Variants in SEC24B observed in about 807,000 individuals in gnomAD.
SEC24B encodes protein transport protein Sec24B.
SEC24B carries 45 observed loss-of-function variants against 142.8 expected under a neutral mutation model. The ratio of observed to expected loss-of-function variants is 0.32; its 90% CI spans 0.25 to 0.40. SEC24B has a LOEUF of 0.40. Among genes scored for constraint, SEC24B ranks in the 10% least tolerant of loss-of-function variants. SEC24B has a pLI of 1.00. For missense variants in SEC24B, 1,409 were observed against 1,526.8 expected, an observed-to-expected ratio of 0.92 and a Z score of 1.29; for synonymous variants, 574 against 568.2, an observed-to-expected ratio of 1.01 and a Z score of -0.15.
chr4:109,449,896 A>T (rs1339527240), intron 1 of SEC24B, among the ~76,000 whole-genome samples: 1 of 152,088 alleles, frequency 6.6e-6, no homozygotes, highest in Non-Finnish European at 1.5e-5. Flanking sequence ...ATTAGGAGTG[A>T]TTCACTTAAC....
chr4:109,451,524 T>C (rs946856568), intron 1 of SEC24B, among the ~76,000 whole-genome samples: 4 of 152,196 alleles, frequency 2.6e-5, no homozygotes, highest in Admixed American at 2.6e-4. Context: ...GAGAGCTCTT[T>C]CAAGTTGGCT....
chr4:109,512,675 A>T lies in SEC24B; in HGVS notation c.1903+592A>T, dbSNP rs145283423. Among the ~76,000 whole-genome samples the T allele has an allele frequency of 3.2e-4, 47 of 147,814 alleles. No homozygotes were observed. In the East Asian group the frequency reaches 9.3e-3, roughly 29 times the overall value. The stretch of plus-strand genomic sequence containing the variant: ...TTTTTTTTTTTTAATTTTTTTTTTG[A>T]GACAGGGTCTCGCTCTGTCACCCAG... On this transcript the variant is annotated intron_variant, in intron 9 of 23. Transcript: ENST00000265175.
At position 109,533,569 on chromosome 4, in the gene SEC24B, T is replaced by C. The variant is rs114890223; in HGVS notation, c.3496-24T>C. On this transcript the variant is annotated intron_variant, in intron 21 of 23. Transcript: ENST00000265175. ...TGAATTAACTATTAGGGAGTTTTAA[T>C]ATTTTGTTGCTTTTTCTTTTTAGGT... 1,243 of 1,442,248 alleles carry C rather than the reference T, an allele frequency of 8.6e-4. 9 individuals carry two copies. In the African/African-American group the frequency reaches 0.014, roughly 17 times the overall value. The allele number at this position is 1,442,248 out of a possible 1,614,324, so 89.3% of individuals were successfully genotyped here.
chr4:109,475,117 T>G (rs202090623), intron 3 of SEC24B, among the ~76,000 whole-genome samples: 1 of 152,256 alleles, frequency 6.6e-6, no homozygotes, highest in Non-Finnish European at 1.5e-5. Context: ...CATTGGCTGT[T>G]GACAAACTAA....
chr4:109,514,401 T>G (rs1424633932), intron 10 of SEC24B, among the ~76,000 whole-genome samples: 1 of 152,094 alleles, frequency 6.6e-6, no homozygotes, highest in Non-Finnish European at 1.5e-5. Context: ...TTTAACATAT[T>G]TATAAAAACT....
At chr4:109,437,365 C>T (rs6812917) in intron 1 of SEC24B, among the ~76,000 whole-genome samples, 17,990 of 152,094 alleles carry the variant, frequency 0.12, 3,542 homozygotes, top group African/African-American at 0.41. Flanking sequence ...CTAACTGCAG[C>T]CTCAACCTCC....
chr4:109,492,260 T>C (rs1173889544), intron 5 of SEC24B, among the ~76,000 whole-genome samples: 2 of 152,294 alleles, frequency 1.3e-5, no homozygotes, highest in East Asian at 1.9e-4. Flanking sequence ...TTAAAAATAC[T>C]TGAATAAACG....
In SEC24B at chr4:109,483,643, A is replaced by C. The variant is rs543006748; in HGVS notation, c.1165+1862A>C. On this transcript the variant is annotated intron_variant, in intron 4 of 23. Coordinates refer to ENST00000265175, the MANE Select transcript of SEC24B (RefSeq NM_006323.5). ...AAATGTGAAGATCTGTTCTGCAAACAATCATTTTAACCAAAAATTTCTATT... is the reference window on the plus strand; with the variant it reads ...AAATGTGAAGATCTGTTCTGCAAACCATCATTTTAACCAAAAATTTCTATT... Among the ~76,000 whole-genome samples the C allele has an allele frequency of 1.4e-4, 21 of 152,334 alleles. 1 individual carries two copies. The South Asian group carries it at 4.4e-3, about 32-fold the overall frequency.
At chr4:109,530,239 C>T (rs1304072354) in intron 18 of SEC24B, 50 bp from the exon 19 acceptor site, 1 of 1,501,190 alleles carries the variant, frequency 6.7e-7, no homozygotes, top group East Asian at 2.3e-5. Context: ...TCTTATAGTG[C>T]CCATTGGATT....
rs75987343 is a variant in SEC24B at position 109,488,545 on chromosome 4, G to A, written c.1166-2782G>A. On this transcript the variant is annotated intron_variant, in intron 4 of 23. Coordinates refer to ENST00000265175, the MANE Select transcript of SEC24B (RefSeq NM_006323.5). ...GACATTTGGGTTGTTTCTGCTTTTT[G>A]GCTGTTATGAATACTCCTGCTGTGA... Among the ~76,000 whole-genome samples the A allele has an allele frequency of 5.7e-3, 873 of 152,100 alleles. 4 individuals are homozygous for A. The highest frequency in any genetic ancestry group is 8.5e-3 in the Non-Finnish European group (577 of 67,950).
chr4:109,498,424 C>T (rs1180666098), intron 6 of SEC24B, among the ~76,000 whole-genome samples: 1 of 152,144 alleles, frequency 6.6e-6, no homozygotes, highest in African/African-American at 2.4e-5. Context: ...TTGGCGCAAT[C>T]TCGGCTCGCG....
At chr4:109,491,454 C>A in intron 5 of SEC24B, 47 bp downstream of exon 5, 1 of 1,364,390 alleles carries the variant, frequency 7.3e-7, no homozygotes, top group Non-Finnish European at 1.0e-6. Flanking sequence ...AAGTTATTGA[C>A]CATCAGTTGC....
intron 9 of SEC24B, among the ~76,000 whole-genome samples, chr4:109,512,441 T>A (rs1026361693): frequency 6.6e-6 from 1 of 152,210 alleles, no homozygotes; most frequent in East Asian, 1.9e-4. Flanking sequence ...TCTGGATGCA[T>A]GCATGTATAT....
At chr4:109,439,318 T>C (rs886524620) in intron 1 of SEC24B, among the ~76,000 whole-genome samples, 1 of 152,096 alleles carries the variant, frequency 6.6e-6, no homozygotes, top group East Asian at 1.9e-4. Context: ...ATCTCCCTAG[T>C]GTATCTCAAA....
chr4:109,472,806 C>T lies in SEC24B; in HGVS notation c.878-198C>T, dbSNP rs1006882842. On this transcript the variant is annotated intron_variant, in intron 2 of 23. Coordinates refer to ENST00000265175, the MANE Select transcript of SEC24B (RefSeq NM_006323.5). ...GTTTTTAAAAAATCATTTGTACCAC[C>T]TTTTCTAGATATACTAGGTAAATGT... is the stretch of plus-strand genomic sequence containing the variant. 9.9e-5 allele frequency among the ~76,000 whole-genome samples: 15 copies of T among 151,012 alleles called. No individual in the cohort carries two copies. The East Asian group carries it at 1.7e-3, about 18-fold the overall frequency.
chr4:109,517,948 TTTA>T (rs1342398328), intron 11 of SEC24B, among the ~76,000 whole-genome samples: 5 of 59,460 alleles, frequency 8.4e-5, no homozygotes, highest in African/African-American at 2.0e-4. Context: ...TGTTTGTTTG[TTTA>T]TTTATTTATT....
intron 3 of SEC24B, among the ~76,000 whole-genome samples, chr4:109,479,011 G>A (rs1295531761): frequency 4.6e-5 from 7 of 152,140 alleles, no homozygotes; most frequent in Non-Finnish European, 1.0e-4. Flanking sequence ...CAAGAGATTT[G>A]TTCTCTTAAG....
chr4:109,506,901 T>A (rs1278669254), intron 7 of SEC24B, among the ~76,000 whole-genome samples: 1 of 152,202 alleles, frequency 6.6e-6, no homozygotes, highest in Non-Finnish European at 1.5e-5. Flanking sequence ...AGACCTCACT[T>A]ATGTAATCTC....
chr4:109,494,635 A>C lies in SEC24B; in HGVS notation c.1267A>C (p.Ser423Arg). The C allele has an allele frequency of 1.2e-6, 2 of 1,614,082 alleles. No homozygotes were observed. Among genetic ancestry groups the C allele is most frequent in the Non-Finnish European group, 1.7e-6 (2 of 1,180,030 alleles). The change falls in exon 6 of 24, where the codon AGC becomes CGC. Residue 423 changes from serine (S) to arginine (R), a missense_variant. By Grantham distance (110) the Ser-to-Arg change is moderately radical. Around this residue, in one of 2 missense-constraint regions of SEC24B, gnomAD observed 709 missense variants for 673.5 expected, o/e 1.05. Coordinates refer to ENST00000265175, the MANE Select transcript of SEC24B (RefSeq NM_006323.5). ...TTTAGATATGCTTTCTTCATCAGCA[A>C]GCAGTCCTGCTCCTGATCCCGCCCC... ...SYPDMLSSSA[S>R]SPAPDPAPEP...
Sources: allele counts gnomAD v4.1 joint callset (sites outside exome capture counted in the v4.1 genomes callset), GRCh38; gene constraint gnomAD v4.1.1; regional missense constraint gnomAD v4.1.1; transcripts MANE v1.5; gene names NCBI Gene and HGNC (gene_info 2026-07-23, HGNC 2026-07-21).